Variants in UBXN11 observed in about 807,000 individuals in gnomAD.
UBXN11 encodes UBX domain-containing protein 11.
Under a neutral mutation model 62.8 loss-of-function variants are expected in UBXN11, and 47 were observed. The ratio of observed to expected loss-of-function variants is 0.75; its 90% CI spans 0.59 to 0.95. The LOEUF is 0.95. Ranked by LOEUF, UBXN11 falls within the 40% of genes least tolerant of loss-of-function variation. The probability of loss-of-function intolerance (pLI) is 0.00; values close to 1 mark genes in which losing one functional copy is unlikely to be tolerated. For missense variants in UBXN11, 638 were observed against 661.7 expected, an observed-to-expected ratio of 0.96 and a Z score of 0.39; for synonymous variants, 294 against 267.0, an observed-to-expected ratio of 1.10 and a Z score of -0.99.
chr1:26,285,638 C>T, intron 9 of UBXN11, 97 bp from the exon 10 acceptor site: 1 of 1,391,524 alleles, frequency 7.2e-7, no homozygotes, highest in Non-Finnish European at 9.6e-7. Context: ...CCAGGGTCAC[C>T]CAGTGCCGCA....
chr1:26,298,135 TA>T (rs1258381673), intron 4 of UBXN11, 73 bp from the exon 5 acceptor site: 34 of 1,487,800 alleles, frequency 2.3e-5, no homozygotes, highest in Non-Finnish European at 3.0e-5. Context: ...GGGAGGAGGA[TA>T]GGGGTCCCAG....
chr1:26,290,656 C>T (rs2073240424), intron 8 of UBXN11, among the ~76,000 whole-genome samples: 1 of 152,062 alleles, frequency 6.6e-6, no homozygotes, highest in Admixed American at 6.5e-5. Context: ...CCAACCCAGA[C>T]TCAGGAGTGT....
intron 4 of UBXN11, among the ~76,000 whole-genome samples, chr1:26,298,510 C>A (rs1570118183): frequency 6.6e-6 from 1 of 152,114 alleles, no homozygotes; most frequent in African/African-American, 2.4e-5. Context: ...GTAGCCAGGG[C>A]CGGGCATGCG....
At chr1:26,285,736 G>A in intron 9 of UBXN11, 87 bp downstream of exon 9, 3 of 1,493,956 alleles carry the variant, frequency 2.0e-6, no homozygotes, top group Non-Finnish European at 2.7e-6. Flanking sequence ...GGGCAGGCTG[G>A]GCCTGGGGTG....
At chr1:26,284,887 G>GA (rs2073091337) in intron 10 of UBXN11, 1 of 1,009,316 alleles carries the variant, frequency 9.9e-7, no homozygotes, top group Admixed American at 5.7e-5. Flanking sequence ...GCTGTGGCAC[G>GA]AATGCCTTAA....
intron 4 of UBXN11, among the ~76,000 whole-genome samples, chr1:26,298,520 G>A (rs1294457963): frequency 2.0e-5 from 3 of 152,128 alleles, no homozygotes; most frequent in Non-Finnish European, 2.9e-5. Context: ...CCGGGCATGC[G>A]GTGGCTCATG....
At chr1:26,283,695 A>T (rs1416648689) in intron 12 of UBXN11, among the ~76,000 whole-genome samples, 2 of 152,102 alleles carry the variant, frequency 1.3e-5, no homozygotes, top group Non-Finnish European at 2.9e-5. Flanking sequence ...AGGACTTAGC[A>T]ATGTGTGGGT....
intron 8 of UBXN11, among the ~76,000 whole-genome samples, chr1:26,289,208 A>C (rs540745410): frequency 2.0e-5 from 3 of 152,164 alleles, no homozygotes; most frequent in Non-Finnish European, 2.9e-5. Flanking sequence ...CCTCTTCTGT[A>C]CAATGAGGAC....
chr1:26,284,905 C>G (rs954951996), intron 10 of UBXN11: 1 of 1,005,514 alleles, frequency 9.9e-7, no homozygotes, highest in South Asian at 4.1e-5. Context: ...TAAACACCCC[C>G]GCGTCATGAC....
In UBXN11 at chr1:26,282,392, A is replaced by ACTGGGG. The variant is rs1570072011; in HGVS notation, c.1469_1470insCCCCAG (p.Pro491_Gly492insSerPro). 2 of 414,292 alleles carry ACTGGGG rather than the reference A, an allele frequency of 4.8e-6. No individual in the cohort carries two copies. Among genetic ancestry groups the ACTGGGG allele is most frequent in the Admixed American group, 4.8e-5 (1 of 20,642 alleles). The allele number at this position is 414,292 out of a possible 1,614,324, so 25.7% of individuals were successfully genotyped here. ...GACCGGGACCGGGACTGGGGCCGGG[A>ACTGGGG]CCGGGACCGGGACAGGGACCAGGAC... On this transcript the variant is annotated inframe_insertion, in exon 15 of 15. Transcript: ENST00000374222.
upstream of UBXN11, among the ~76,000 whole-genome samples, chr1:26,310,002 A>G (rs148667823): frequency 6.6e-5 from 10 of 152,224 alleles, no homozygotes; most frequent in African/African-American, 2.4e-4. Flanking sequence ...TATGTTGCCC[A>G]GGTTGGATTT....
rs2073818906 is a variant in UBXN11, at chr1:26,318,308, G to A, written c.-410C>T. The A allele has an allele frequency of 1.9e-5, 10 of 529,480 alleles. No homozygotes were observed. In the South Asian group the frequency reaches 2.4e-4, roughly 13 times the overall value. The allele number at this position is 529,480 out of a possible 1,614,324, so 32.8% of individuals were successfully genotyped here. A position where few individuals can be genotyped will look rare whatever the true frequency, so the allele number is the denominator to read the frequency against. ...AGAGAAACCTGTATCCACAGCTGGG[G>A]AGCACTTACAGGGTGCTAGGCGCGT... On this transcript the variant is annotated 5_prime_UTR_variant, in exon 1 of 15. Transcript: ENST00000374217.
At chr1:26,302,147 G>A (rs1320572796) in intron 2 of UBXN11, among the ~76,000 whole-genome samples, 2 of 152,056 alleles carry the variant, frequency 1.3e-5, no homozygotes, top group African/African-American at 4.8e-5. Context: ...GGCAGATCAC[G>A]AGGTCAGGAG....
At chr1:26,284,108 C>T (rs768938563) in intron 12 of UBXN11, 34 bp downstream of exon 12, 16 of 1,559,442 alleles carry the variant, frequency 1.0e-5, no homozygotes, top group Non-Finnish European at 2.6e-6. Flanking sequence ...TAAAGTTCCC[C>T]CAGGAGGGCT....
At chr1:26,310,021 G>A (rs2073724943), upstream of UBXN11, among the ~76,000 whole-genome samples, 2 of 152,108 alleles carry the variant, frequency 1.3e-5, no homozygotes, top group African/African-American at 4.8e-5. Flanking sequence ...TTGAACTCCT[G>A]AGCTCAAGGG....
rs369607205 is a variant in UBXN11 at position 26,285,907 on chromosome 1, G to A, written c.690C>T (p.Leu230=). ...GGTAGAGCTTCAGCGGGATGGGCTCGAGGGTACGCAGCCGTGCCCCGCCGG... is the reference window on the plus strand; with the variant it reads ...GGTAGAGCTTCAGCGGGATGGGCTCAAGGGTACGCAGCCGTGCCCCGCCGG... ...PVPGGARLRT[L]EPIPLKLYRN... is the part of the protein sequence containing the mutation. The change falls in exon 9 of 15, where the codon CTC becomes CTT. Residue 230 remains leucine, a synonymous_variant. Coordinates refer to ENST00000374222, the MANE Select transcript of UBXN11 (RefSeq NM_001389556.1). 1.0e-4 allele frequency: 164 copies of A among 1,613,572 alleles called. No homozygotes were observed. The African/African-American group carries it at 1.0e-3, about 10-fold the overall frequency.
chr1:26,307,873 C>T (rs1366425647), upstream of UBXN11, among the ~76,000 whole-genome samples: 1 of 152,022 alleles, frequency 6.6e-6, no homozygotes, highest in Non-Finnish European at 1.5e-5. Flanking sequence ...GCCATCCGCC[C>T]ATCTCTGCCT....
chr1:26,302,781 G>A, intron 2 of UBXN11, 32 bp downstream of exon 2: 3 of 1,599,680 alleles, frequency 1.9e-6, no homozygotes, highest in East Asian at 4.5e-5. Context: ...ACAGAGGCGG[G>A]GACAGAAAGA....
chr1:26,293,248 G>C lies in UBXN11; in HGVS notation c.559+957C>G, dbSNP rs528421479. On this transcript the variant is annotated intron_variant, in intron 8 of 14. Transcript: ENST00000374222. ...CAAGTCACACTTGGGATAGGAGGTA[G>C]AGTCGAGTTGAGGGCCCAGGTGTGC... is the stretch of plus-strand genomic sequence containing the variant. Among the ~76,000 whole-genome samples the C allele has an allele frequency of 2.2e-4, 34 of 152,312 alleles. 1 individual carries two copies. Among genetic ancestry groups the C allele is most frequent in the African/African-American group, 7.2e-4 (30 of 41,570 alleles).
Sources: allele counts gnomAD v4.1 joint callset (sites outside exome capture counted in the v4.1 genomes callset), GRCh38; gene constraint gnomAD v4.1.1; transcripts MANE v1.5; gene names NCBI Gene and HGNC (gene_info 2026-07-23, HGNC 2026-07-21).